The following ROR2 variants were observed in gnomAD, a reference collection of about 807,000 sequenced individuals.
The protein encoded by ROR2 is tyrosine-protein kinase transmembrane receptor ROR2.
In ROR2, 33 loss-of-function variants were observed where a neutral mutation model predicts 74.9. The observed-to-expected ratio is 0.44, with a 90% confidence interval of 0.33 to 0.59. ROR2 has a LOEUF of 0.59. Among genes scored for constraint, ROR2 ranks in the 20% least tolerant of loss-of-function variants. ROR2 has a pLI of 0.02. For missense variants in ROR2, 1,216 were observed against 1,313.8 expected, an observed-to-expected ratio of 0.93 and a Z score of 1.15; for synonymous variants, 586 against 558.7, an observed-to-expected ratio of 1.05 and a Z score of -0.69.
intron 1 of ROR2, among the ~76,000 whole-genome samples, chr9:91,890,410 T>C (rs949708423): frequency 6.6e-6 from 1 of 152,240 alleles, no homozygotes; most frequent in Non-Finnish European, 1.5e-5. Context: ...CTCATACCTT[T>C]TGGGATTTTG....
intron 1 of ROR2, among the ~76,000 whole-genome samples, chr9:91,910,944 G>C (rs975009780): frequency 3.3e-5 from 5 of 152,184 alleles, no homozygotes; most frequent in African/African-American, 1.2e-4. Flanking sequence ...GATTACAGGC[G>C]TTAGCCACCG....
chr9:91,902,478 C>T (rs1055714004), intron 1 of ROR2, among the ~76,000 whole-genome samples: 19 of 152,042 alleles, frequency 1.2e-4, no homozygotes, highest in African/African-American at 4.6e-4. Context: ...ATCTCAAAAG[C>T]AGTTCCCGAT....
intron 1 of ROR2, among the ~76,000 whole-genome samples, chr9:91,826,954 A>G (rs1828313054): frequency 6.6e-6 from 1 of 152,210 alleles, no homozygotes; most frequent in Non-Finnish European, 1.5e-5. Flanking sequence ...AAAGTGCTAG[A>G]AAGAATAATG....
intron 1 of ROR2, among the ~76,000 whole-genome samples, chr9:91,823,950 C>T (rs1828210536): frequency 6.6e-6 from 1 of 152,238 alleles, no homozygotes; most frequent in Non-Finnish European, 1.5e-5. Context: ...CAGTTTGTTG[C>T]TGTTCTTCCA....
At position 91,722,665 on chromosome 9, in the gene ROR2, C is replaced by T. The variant is rs1202039147; in HGVS notation, c.*997G>A. On this transcript the variant is annotated 3_prime_UTR_variant, in exon 9 of 9. Transcript: ENST00000375708. ...TTACAAATAGGACCAACAATGTGTG[C>T]GGGGCACAGACGGCTGCCTGTGGGT... 1.0e-5 allele frequency: 8 copies of T among 777,366 alleles called. No homozygotes were observed. Among genetic ancestry groups the T allele is most frequent in the Admixed American group, 6.8e-5 (4 of 58,924 alleles). The allele number at this position is 777,366 out of a possible 1,614,324, so 48.2% of individuals were successfully genotyped here.
chr9:91,941,860 G>A (rs557668320), intron 1 of ROR2, among the ~76,000 whole-genome samples: 3 of 150,470 alleles, frequency 2.0e-5, no homozygotes, highest in East Asian at 2.0e-4. Flanking sequence ...GCACGATCTC[G>A]GCTCACTGCA....
intron 1 of ROR2, among the ~76,000 whole-genome samples, chr9:91,885,937 A>G (rs7867567): frequency 0.42 from 60,962 of 145,772 alleles, 14,692 homozygotes; most frequent in African/African-American, 0.67. Context: ...ACAATGTCGC[A>G]ATCTCAGCTC....
At chr9:91,782,888 T>C (rs1340867065) in intron 1 of ROR2, among the ~76,000 whole-genome samples, 2 of 152,246 alleles carry the variant, frequency 1.3e-5, no homozygotes, top group African/African-American at 4.8e-5. Context: ...GCAGTGATTC[T>C]TTTTAAGGCA....
chr9:91,730,131 CG>C (rs1324183060), intron 7 of ROR2, among the ~76,000 whole-genome samples: 1 of 152,058 alleles, frequency 6.6e-6, no homozygotes, highest in Non-Finnish European at 1.5e-5. Context: ...TTTGTAGAGA[CG>C]GGTTTTTGCC....
At chr9:91,842,090 A>C (rs1828797559) in intron 1 of ROR2, among the ~76,000 whole-genome samples, 1 of 152,218 alleles carries the variant, frequency 6.6e-6, no homozygotes, top group Non-Finnish European at 1.5e-5. Context: ...GTGCAGACCC[A>C]TGCCTGCAAA....
intron 1 of ROR2, among the ~76,000 whole-genome samples, chr9:91,813,332 A>G (rs191604373): frequency 1.6e-4 from 24 of 152,342 alleles, no homozygotes; most frequent in Non-Finnish European, 2.9e-4. Context: ...CTTTCACTCT[A>G]CAAAACTCTG....
At chr9:91,883,420 T>C (rs1830176317) in intron 1 of ROR2, 1 of 152,180 alleles carries the variant, frequency 6.6e-6, no homozygotes. Flanking sequence ...ATTAAGGTGA[T>C]AGATGGAGCT....
chr9:91,744,213 CTTTTTTTTTTTTT>C (rs1167780367), intron 4 of ROR2, among the ~76,000 whole-genome samples: 14 of 89,082 alleles, frequency 1.6e-4, no homozygotes, highest in Non-Finnish European at 2.2e-4. Flanking sequence ...AATTTGTTAA[CTTTTTTTTTTTTT>C]TTTTTTTTTT....
At chr9:91,918,053 C>T (rs944896792) in intron 1 of ROR2, among the ~76,000 whole-genome samples, 1 of 152,014 alleles carries the variant, frequency 6.6e-6, no homozygotes, top group Admixed American at 6.5e-5. Flanking sequence ...AGGCGGATCA[C>T]GAGGTCAGGA....
At chr9:91,858,002 G>A (rs184948078) in intron 1 of ROR2, among the ~76,000 whole-genome samples, 27 of 152,264 alleles carry the variant, frequency 1.8e-4, no homozygotes, top group African/African-American at 5.1e-4. Flanking sequence ...GATATAGGCC[G>A]CCAAGCCCAG....
intron 1 of ROR2, among the ~76,000 whole-genome samples, chr9:91,834,955 C>A (rs960857926): frequency 6.6e-6 from 1 of 152,198 alleles, no homozygotes; most frequent in African/African-American, 2.4e-5. Flanking sequence ...CTTTTCCAGT[C>A]CAGCACAGGA....
At chr9:91,774,412 C>T (rs1465190927) in intron 2 of ROR2, among the ~76,000 whole-genome samples, 1 of 152,110 alleles carries the variant, frequency 6.6e-6, no homozygotes, top group African/African-American at 2.4e-5. Flanking sequence ...CAGTGGTGCC[C>T]CCCAAACCCA....
intron 1 of ROR2, among the ~76,000 whole-genome samples, chr9:91,909,858 T>TTAG: frequency 7.8e-6 from 1 of 127,500 alleles, no homozygotes; most frequent in Admixed American, 8.0e-5. Context: ...TTTTTTTTTT[T>TTAG]TTTTTTTTTT....
At chr9:91,872,412 T>C (rs934385282) in intron 1 of ROR2, among the ~76,000 whole-genome samples, 3 of 152,190 alleles carry the variant, frequency 2.0e-5, no homozygotes, top group Non-Finnish European at 4.4e-5. Flanking sequence ...AGATTTCCAA[T>C]ACATCCAATG....
Sources: gnomAD v4.1 joint callset for allele counts (sites outside exome capture counted in the v4.1 genomes callset) on GRCh38, gnomAD v4.1.1 for gene constraint, MANE v1.5 for transcripts, NCBI Gene and HGNC (gene_info 2026-07-23, HGNC 2026-07-21) for gene names.